Variants in UBAC2 observed in about 807,000 individuals in gnomAD.
UBAC2 encodes the protein UBA domain containing 2.
UBAC2 carries 26 observed loss-of-function variants against 44.0 expected under a neutral mutation model. The ratio of observed to expected loss-of-function variants is 0.59; its 90% confidence interval spans 0.43 to 0.82. The LOEUF (loss-of-function observed/expected upper bound fraction) is 0.82. Ranked by LOEUF, UBAC2 falls within the 40% of genes least tolerant of loss-of-function variation. UBAC2 has a pLI of 0.00. For synonymous variants in UBAC2, 155 were observed against 154.3 expected (o/e 1.00, Z -0.04); for missense variants, 329 against 419.4 (o/e 0.78, Z 1.88).
intron 1 of UBAC2, among the ~76,000 whole-genome samples, chr13:99,221,511 T>G (rs1239903458): frequency 6.6e-6 from 1 of 152,246 alleles, no homozygotes; most frequent in Admixed American, 6.5e-5. Context: ...TAGCTTCTTC[T>G]TGCACACTGT....
chr13:99,267,788 C>T (rs2043762962), intron 4 of UBAC2, among the ~76,000 whole-genome samples: 1 of 152,184 alleles, frequency 6.6e-6, no homozygotes, highest in Non-Finnish European at 1.5e-5. Context: ...GTTTGCTCAT[C>T]AGATTTGCAA....
At chr13:99,376,145 A>T (rs917338181) in intron 8 of UBAC2, among the ~76,000 whole-genome samples, 1 of 152,182 alleles carries the variant, frequency 6.6e-6, no homozygotes, top group Non-Finnish European at 1.5e-5. Context: ...TGTTTTCCTC[A>T]TTCAGTGGGT....
chr13:99,285,822 G>C lies in UBAC2; in HGVS notation c.390-28275G>C, dbSNP rs188401359. 2.2e-4 allele frequency among the ~76,000 whole-genome samples: 34 copies of C among 152,254 alleles called. No homozygotes were observed. The East Asian group carries it at 6.4e-3, about 28-fold the overall frequency. On this transcript the variant is annotated intron_variant, in intron 4 of 8. Coordinates refer to ENST00000403766, the MANE Select transcript of UBAC2 (RefSeq NM_001144072.2). Reference sequence around the variant, plus strand: ...GATATGATTTAGGTTCCATTATTCAGAAAAACGTGTGGCTCTTGAATTCAG... The same window carrying C: ...GATATGATTTAGGTTCCATTATTCACAAAAACGTGTGGCTCTTGAATTCAG...
intron 4 of UBAC2, among the ~76,000 whole-genome samples, chr13:99,298,687 GA>G (rs932568927): frequency 3.3e-5 from 5 of 151,672 alleles, no homozygotes; most frequent in East Asian, 1.9e-4. Context: ...TTTTGTGCAG[GA>G]AAAAAAATGG....
intron 7 of UBAC2, among the ~76,000 whole-genome samples, chr13:99,359,327 A>G (rs556320943): frequency 2.6e-5 from 4 of 152,360 alleles, no homozygotes; most frequent in East Asian, 1.9e-4. Context: ...TCTAAAAGGC[A>G]GGGAGGTTGT....
intron 4 of UBAC2, among the ~76,000 whole-genome samples, chr13:99,302,730 C>T (rs1343987144): frequency 6.6e-6 from 1 of 152,202 alleles, no homozygotes; most frequent in African/African-American, 2.4e-5. Context: ...TGCTGTGGAG[C>T]TGTGACCAGC....
chr13:99,245,791 C>T (rs1328770049), intron 4 of UBAC2, among the ~76,000 whole-genome samples: 1 of 152,134 alleles, frequency 6.6e-6, no homozygotes, highest in Non-Finnish European at 1.5e-5. Flanking sequence ...GCGGAGATCG[C>T]TCCACTGCAC....
chr13:99,210,130 T>C (rs2042920825), intron 1 of UBAC2, among the ~76,000 whole-genome samples: 1 of 152,192 alleles, frequency 6.6e-6, no homozygotes, highest in South Asian at 2.1e-4. Flanking sequence ...AAAAAAACGG[T>C]CCTAGCATTT....
chr13:99,214,993 T>G (rs1305492903), intron 1 of UBAC2, among the ~76,000 whole-genome samples: 1 of 151,974 alleles, frequency 6.6e-6, no homozygotes. Flanking sequence ...TTTTGTTTTT[T>G]TTTTTTCTTG....
chr13:99,318,821 C>A (rs867995202), intron 6 of UBAC2, among the ~76,000 whole-genome samples: 1,462 of 69,512 alleles, frequency 0.021, 8 homozygotes, highest in African/African-American at 0.065. Flanking sequence ...GACTCCATCT[C>A]AAAAAAAAAA....
rs752371279 is a variant in UBAC2, at chr13:99,200,881, C to G, written c.-28C>G. On this transcript the variant is annotated 5_prime_UTR_variant, in exon 1 of 9. Coordinates refer to ENST00000403766, the MANE Select transcript of UBAC2 (RefSeq NM_001144072.2). ...ACTTCAGCTTCCCCTCCCCCGGCGC[C>G]CTCTGGGGCTCCGAGCCCGGCGGGA... 1.5e-6 allele frequency: 2 copies of G among 1,302,400 alleles called. No individual in the cohort carries two copies. The highest frequency in any genetic ancestry group is 2.0e-6 in the Non-Finnish European group (2 of 1,017,292). 80.7% of individuals were successfully genotyped at this position (1,302,400 alleles called of 1,614,324 possible). A position where few individuals can be genotyped will look rare whatever the true frequency, so the allele number is the denominator to read the frequency against.
At chr13:99,232,502 A>C (rs1319779473) in intron 1 of UBAC2, among the ~76,000 whole-genome samples, 3 of 151,070 alleles carry the variant, frequency 2.0e-5, no homozygotes, top group Non-Finnish European at 4.4e-5. Context: ...GGGCTTAATA[A>C]GTAGTTTATT....
chr13:99,369,790 G>T (rs2045381451), intron 8 of UBAC2, among the ~76,000 whole-genome samples: 1 of 152,140 alleles, frequency 6.6e-6, no homozygotes, highest in Non-Finnish European at 1.5e-5. Flanking sequence ...ATGGAACAAA[G>T]AATTATTATG....
chr13:99,370,957 A>G (rs2045397555), intron 8 of UBAC2, among the ~76,000 whole-genome samples: 1 of 152,260 alleles, frequency 6.6e-6, no homozygotes, highest in Admixed American at 6.5e-5. Flanking sequence ...ACTGCTGTCA[A>G]GTTCAGCTGA....
chr13:99,257,682 A>G (rs1476597964), intron 4 of UBAC2, among the ~76,000 whole-genome samples: 1 of 152,202 alleles, frequency 6.6e-6, no homozygotes, highest in East Asian at 1.9e-4. Flanking sequence ...TATAGATACC[A>G]TGATTATCTG....
At position 99,201,425 on chromosome 13, in the gene UBAC2, T is replaced by C. The variant is rs1238881159; in HGVS notation, c.31+486T>C. On this transcript the variant is annotated intron_variant, in intron 1 of 8. Transcript: ENST00000403766. ...AGTTTCACTTGGATGTGTTTCTTCTTCAGTCTCCAAGAAGAGTTTTTAGAC... is the reference window on the plus strand; with the variant it reads ...AGTTTCACTTGGATGTGTTTCTTCTCCAGTCTCCAAGAAGAGTTTTTAGAC... 1.9e-6 allele frequency: 3 copies of C among 1,612,986 alleles called. No homozygotes were observed. In the African/African-American group the frequency reaches 4.0e-5, roughly 22 times the overall value.
At position 99,367,821 on chromosome 13, in the gene UBAC2, C is replaced by G. The variant is rs777349420; in HGVS notation, c.842C>G (p.Pro281Arg). ...GMINWNRLFP[P>R]LRQRQNVNYQ... ...ATCAATTGGAATCGTCTTTTTCCTC[C>G]TTTACGTCAGCGACAAAACGTAAAC... The change falls in exon 8 of 9, where the codon CCT becomes CGT. Residue 281 changes from proline (P) to arginine (R), a missense_variant. Coordinates refer to ENST00000403766, the MANE Select transcript of UBAC2 (RefSeq NM_001144072.2). The G allele has an allele frequency of 6.2e-7, 1 of 1,613,936 alleles. No homozygotes were observed. The highest frequency in any genetic ancestry group is 8.5e-7 in the Non-Finnish European group (1 of 1,179,844).
At chr13:99,275,424 C>T (rs780472407) in intron 4 of UBAC2, among the ~76,000 whole-genome samples, 4 of 152,140 alleles carry the variant, frequency 2.6e-5, no homozygotes, top group Non-Finnish European at 4.4e-5. Context: ...TTTGTGATTT[C>T]AGTTCACATT....
intron 4 of UBAC2, among the ~76,000 whole-genome samples, chr13:99,288,963 G>A (rs1418540116): frequency 6.6e-6 from 1 of 152,202 alleles, no homozygotes; most frequent in Non-Finnish European, 1.5e-5. Context: ...CCCCAATGGA[G>A]TTTATGTTTC....
Sources: allele counts gnomAD v4.1 joint callset (sites outside exome capture counted in the v4.1 genomes callset), GRCh38; gene constraint gnomAD v4.1.1; transcripts MANE v1.5; gene names NCBI Gene and HGNC (gene_info 2026-07-23, HGNC 2026-07-21).